The following LRRC8C variants were observed in gnomAD, a reference collection of about 807,000 sequenced individuals.
LRRC8C encodes the protein volume-regulated anion channel subunit LRRC8C.
Under a neutral mutation model 55.3 loss-of-function variants are expected in LRRC8C, and 20 were observed. The ratio of observed to expected loss-of-function variants is 0.36; its 90% CI spans 0.25 to 0.53. The LOEUF (loss-of-function observed/expected upper bound fraction) is 0.53. Among genes scored for constraint, LRRC8C ranks in the 20% least tolerant of loss-of-function variants. The pLI is 0.92. For missense variants in LRRC8C, 659 were observed against 951.4 expected (o/e 0.69, Z 4.04); for synonymous variants, 376 against 360.7 (o/e 1.04, Z -0.48).
chr1:89,643,539 T>C (rs1008103187), intron 1 of LRRC8C, among the ~76,000 whole-genome samples: 3 of 152,206 alleles, frequency 2.0e-5, no homozygotes, highest in African/African-American at 4.8e-5. Context: ...GATTCCATGA[T>C]AGTGGAGTTA....
In LRRC8C at chr1:89,713,158, C is replaced by G. The variant is rs773087247; in HGVS notation, c.588C>G (p.Ser196=). The G allele has an allele frequency of 1.9e-6, 3 of 1,614,154 alleles. No individual in the cohort carries two copies. The South Asian group carries it at 3.3e-5, about 18-fold the overall frequency. The part of the protein sequence containing the change: ...KDNRKNNMNR[S]NTIQSGPEDS... The stretch of plus-strand genomic sequence containing the variant: ...ACAGGAAGAACAACATGAACAGGTC[C>G]AACACCATCCAATCTGGTCCAGAAG... The change falls in exon 3 of 3, where the codon TCC becomes TCG. Residue 196 remains serine, a synonymous_variant. Transcript: ENST00000370454. The surrounding 1 kb of genome is among the most constrained non-coding windows in gnomAD (Gnocchi z 5.2).
chr1:89,654,377 C>T (rs1159436801), intron 1 of LRRC8C, among the ~76,000 whole-genome samples: 1 of 152,076 alleles, frequency 6.6e-6, no homozygotes, highest in African/African-American at 2.4e-5. Context: ...CCAGTATAGC[C>T]ATGTAGCAAA....
At chr1:89,618,993 G>A in the LRRC8C span, among the ~76,000 whole-genome samples, 1 of 152,150 alleles carries the variant, frequency 6.6e-6, no homozygotes, top group Admixed American at 6.5e-5. Context: ...TTTAGAGTAC[G>A]AGGTCCTCCC....
At chr1:89,663,608 A>G (rs1453816252) in intron 1 of LRRC8C, among the ~76,000 whole-genome samples, 6 of 151,804 alleles carry the variant, frequency 4.0e-5, no homozygotes, top group Admixed American at 3.9e-4. Context: ...GTGTCTTTAT[A>G]GTAGAATGAT....
chr1:89,621,023 G>A, the LRRC8C span, among the ~76,000 whole-genome samples: 1 of 152,172 alleles, frequency 6.6e-6, no homozygotes, highest in African/African-American at 2.4e-5. Context: ...TAGATGTAAC[G>A]TTGCAGAGAA....
intron 1 of LRRC8C, among the ~76,000 whole-genome samples, chr1:89,679,048 A>G (rs2101259017): frequency 6.6e-6 from 1 of 152,314 alleles, no homozygotes; most frequent in Non-Finnish European, 1.5e-5. Flanking sequence ...CATTGAGGCC[A>G]GATGCAATCA....
chr1:89,626,958 T>TACACACAC, the LRRC8C span: 1 of 116,052 alleles, frequency 8.6e-6, no homozygotes, highest in African/African-American at 4.0e-5. Flanking sequence ...CCCTCTAGTC[T>TACACACAC]AGACACACAC....
intron 2 of LRRC8C, among the ~76,000 whole-genome samples, chr1:89,698,286 A>C (rs1012420254): frequency 6.6e-6 from 1 of 152,194 alleles, no homozygotes; most frequent in African/African-American, 2.4e-5. Context: ...ATATGAATGC[A>C]TATGCTTGCC....
intron 1 of LRRC8C, among the ~76,000 whole-genome samples, chr1:89,679,907 C>T (rs1360792518): frequency 1.3e-5 from 2 of 152,106 alleles, no homozygotes; most frequent in African/African-American, 4.8e-5. Flanking sequence ...GAATAAGTTT[C>T]ATATTCTTTA....
chr1:89,653,848 C>T (rs1190658213), intron 1 of LRRC8C, among the ~76,000 whole-genome samples: 2 of 152,126 alleles, frequency 1.3e-5, no homozygotes, highest in Non-Finnish European at 2.9e-5. Flanking sequence ...TTATTTTGGA[C>T]TCGTTAATTT....
the LRRC8C span, among the ~76,000 whole-genome samples, chr1:89,623,101 A>G: frequency 6.6e-6 from 1 of 151,870 alleles, no homozygotes; most frequent in African/African-American, 2.4e-5. Context: ...AGTTCATCTT[A>G]TCTGAACCCT....
chr1:89,670,384 C>G (rs912500955), intron 1 of LRRC8C, among the ~76,000 whole-genome samples: 1 of 152,084 alleles, frequency 6.6e-6, no homozygotes, highest in South Asian at 2.1e-4. Context: ...AAGTTGATGC[C>G]CTTAGCCTGT....
chr1:89,636,597 A>G (rs1392435588), intron 1 of LRRC8C, among the ~76,000 whole-genome samples: 1 of 152,090 alleles, frequency 6.6e-6, no homozygotes, highest in African/African-American at 2.4e-5. Context: ...GGGTACCATG[A>G]CAATGCCAGT....
chr1:89,627,008 C>CAT, the LRRC8C span, among the ~76,000 whole-genome samples: 2 of 148,050 alleles, frequency 1.4e-5, no homozygotes, highest in African/African-American at 5.0e-5. Flanking sequence ...CACACACACA[C>CAT]GTTTAAGTTT....
In LRRC8C at chr1:89,713,714, C is replaced by T; in HGVS notation, c.1144C>T (p.Pro382Ser). ...GCTTCATATGATAGATCAGTATGAC[C>T]CTCTCTATTCCAAGAGATTTGCAGT... ...FMLHMIDQYD[P>S]LYSKRFAVFL... Residue 382 changes from proline to serine, a missense_variant, in exon 3 of 3, where the codon CCT becomes TCT. Physicochemically the swap from Pro to Ser is moderately conservative, Grantham distance 74. Coordinates refer to ENST00000370454, the MANE Select transcript of LRRC8C (RefSeq NM_032270.5). The surrounding 1 kb of genome is among the most constrained non-coding windows in gnomAD (Gnocchi z 5.2). The T allele has an allele frequency of 1.9e-6, 3 of 1,614,090 alleles. No individual in the cohort carries two copies. Among genetic ancestry groups the T allele is most frequent in the Non-Finnish European group, 2.5e-6 (3 of 1,180,018 alleles).
chr1:89,713,351 A>AT lies in LRRC8C; in HGVS notation c.782dup (p.Met261IlefsTer9), dbSNP rs779610394. 2 of 1,614,254 alleles carry AT rather than the reference A, an allele frequency of 1.2e-6. No individual in the cohort carries two copies. The highest frequency in any genetic ancestry group is 8.5e-7 in the Non-Finnish European group (1 of 1,180,048). On this transcript the variant is annotated frameshift_variant, in exon 3 of 3. Transcript: ENST00000370454. LOFTEE classifies it high-confidence loss of function. This position sits in a 1 kb window ranked among gnomAD's most constrained non-coding sequence, Gnocchi z 5.2. ...GGAAGAAGGTGATATTCTATATGCC[A>AT]TGTATGTTCGCCAGACTGTACTTAA...
chr1:89,676,701 A>G (rs7525741), intron 1 of LRRC8C, among the ~76,000 whole-genome samples: 20,855 of 152,236 alleles, frequency 0.14, 1,633 homozygotes, highest in Middle Eastern at 0.26. Context: ...TATAAATTCT[A>G]TCCTTGGTAA....
In LRRC8C at chr1:89,714,211, C is replaced by T; in HGVS notation, c.1641C>T (p.Leu547=). ...SLRDLKSLKI[L]SIKSNVSKIP... is the part of the protein sequence containing the mutation. Reference sequence around the variant, plus strand: ...GGGATCTCAAAAGCCTTAAAATTCTCTCTATCAAAAGCAACGTTTCCAAAA... The same window carrying T: ...GGGATCTCAAAAGCCTTAAAATTCTTTCTATCAAAAGCAACGTTTCCAAAA... Residue 547 remains leucine (L), a synonymous_variant, in exon 3 of 3, where the codon CTC becomes CTT. Transcript: ENST00000370454. This position sits in a 1 kb window ranked among gnomAD's most constrained non-coding sequence, Gnocchi z 4.6. 1 of 1,614,088 alleles carries T rather than the reference C, an allele frequency of 6.2e-7. No individual in the cohort carries two copies. The highest frequency in any genetic ancestry group is 1.3e-5 in the African/African-American group (1 of 75,026).
intron 1 of LRRC8C, among the ~76,000 whole-genome samples, chr1:89,662,130 T>A (rs1657138683): frequency 6.6e-6 from 1 of 152,126 alleles, no homozygotes; most frequent in African/African-American, 2.4e-5. Context: ...ATAAAATACA[T>A]TAATGATAGC....
Sources: gnomAD v4.1 joint callset for allele counts (sites outside exome capture counted in the v4.1 genomes callset) on GRCh38, gnomAD v4.1.1 for gene constraint, Gnocchi (gnomAD v3.1) non-coding constraint, MANE v1.5 for transcripts, NCBI Gene and HGNC (gene_info 2026-07-23, HGNC 2026-07-21) for gene names.